The following ZNRF3 variants were observed in gnomAD, a reference collection of about 807,000 sequenced individuals.
ZNRF3 encodes zinc and ring finger 3.
A neutral mutation model predicts 72.5 loss-of-function variants in ZNRF3; 23 were observed. The ratio of observed to expected loss-of-function variants is 0.32; its 90% CI spans 0.23 to 0.45. The LOEUF (loss-of-function observed/expected upper bound fraction) is 0.45, where lower values mean the gene tolerates loss of function less well. Ranked by LOEUF, ZNRF3 falls within the 20% of genes least tolerant of loss-of-function variation. The pLI is 1.00. For synonymous variants in ZNRF3, 610 were observed against 545.3 expected (o/e 1.12, Z -1.65); for missense variants, 1,169 against 1,272.1 (o/e 0.92, Z 1.23).
intron 1 of ZNRF3, among the ~76,000 whole-genome samples, chr22:28,910,743 C>T (rs1045294259): frequency 3.3e-5 from 5 of 152,298 alleles, no homozygotes; most frequent in African/African-American, 1.2e-4. Context: ...GTGCCAAATG[C>T]TTGGGGCCCA....
chr22:28,946,622 C>A (rs548972579), intron 1 of ZNRF3, among the ~76,000 whole-genome samples: 1 of 152,302 alleles, frequency 6.6e-6, no homozygotes, highest in Non-Finnish European at 1.5e-5. Flanking sequence ...TGGTTGAAAT[C>A]ACTAGTTATG....
chr22:28,937,169 CTTATAATAT>C (rs1205061449), intron 1 of ZNRF3, among the ~76,000 whole-genome samples: 4 of 128,602 alleles, frequency 3.1e-5, no homozygotes, highest in African/African-American at 1.4e-4. Flanking sequence ...CTACTTCTCT[CTTATAATAT>C]ATATATATAT....
At chr22:28,965,748 G>A (rs1431793677) in intron 1 of ZNRF3, among the ~76,000 whole-genome samples, 1 of 152,136 alleles carries the variant, frequency 6.6e-6, no homozygotes, top group Non-Finnish European at 1.5e-5. Context: ...TACTTGGTTT[G>A]TAGTTAAGGA....
At chr22:28,906,061 A>G (rs994185433) in intron 1 of ZNRF3, among the ~76,000 whole-genome samples, 1 of 152,250 alleles carries the variant, frequency 6.6e-6, no homozygotes, top group Non-Finnish European at 1.5e-5. Context: ...ATGGTGGCTC[A>G]CGCCTATAAT....
chr22:29,007,005 C>T (rs1307485555), intron 2 of ZNRF3, among the ~76,000 whole-genome samples: 2 of 152,248 alleles, frequency 1.3e-5, no homozygotes, highest in East Asian at 1.9e-4. Context: ...GTCATGATTG[C>T]ATTCCTACTG....
intron 1 of ZNRF3, among the ~76,000 whole-genome samples, chr22:28,901,248 C>T (rs920585159): frequency 2.6e-5 from 4 of 152,146 alleles, no homozygotes; most frequent in Admixed American, 6.5e-5. Flanking sequence ...TTCTGCTCAT[C>T]GGTCATAATG....
intron 2 of ZNRF3, among the ~76,000 whole-genome samples, chr22:29,004,829 G>C (rs534846473): frequency 3.3e-5 from 5 of 152,164 alleles, no homozygotes; most frequent in African/African-American, 4.8e-5. Context: ...CCAAAGGCCC[G>C]ACTCTACTGA....
Position 29,053,753 on chromosome 22 carries a change from C to T in ZNRF3, c.*131C>T. 1.2e-6 allele frequency: 1 copy of T among 853,910 alleles called. No homozygotes were observed. The allele number at this position is 853,910 out of a possible 1,614,324, so 52.9% of individuals were successfully genotyped here. ...CAAAAGTGGTAATAAAGAGAGCCCT[C>T]CTTGTCAACCCAAAATGTGAGCCCC... On this transcript the variant is annotated 3_prime_UTR_variant, in exon 9 of 9. Coordinates refer to ENST00000544604, the MANE Select transcript of ZNRF3 (RefSeq NM_001206998.2).
intron 1 of ZNRF3, among the ~76,000 whole-genome samples, chr22:28,935,677 A>C (rs996919880): frequency 5.3e-5 from 8 of 152,092 alleles, no homozygotes; most frequent in Non-Finnish European, 1.5e-5. Flanking sequence ...ATCTCCTCTT[A>C]GATTTGTTCA....
intron 8 of ZNRF3, among the ~76,000 whole-genome samples, chr22:29,052,763 C>A (rs1165327454): frequency 6.6e-6 from 1 of 151,680 alleles, no homozygotes; most frequent in Non-Finnish European, 1.5e-5. Context: ...CACTTGAGGC[C>A]AGGAGCTGGA....
intron 2 of ZNRF3, among the ~76,000 whole-genome samples, chr22:29,009,967 C>A (rs182279725): frequency 7.0e-6 from 1 of 142,100 alleles, no homozygotes; most frequent in East Asian, 2.1e-4. Flanking sequence ...AGTCCAGTGG[C>A]TCAATCTCGG....
intron 2 of ZNRF3, among the ~76,000 whole-genome samples, chr22:29,006,505 C>A (rs978811196): frequency 1.3e-5 from 2 of 152,190 alleles, no homozygotes; most frequent in African/African-American, 4.8e-5. Flanking sequence ...AGCCACCGCA[C>A]CTGGCCCAGT....
At chr22:29,009,523 T>G (rs950218085) in intron 2 of ZNRF3, among the ~76,000 whole-genome samples, 40 of 152,258 alleles carry the variant, frequency 2.6e-4, no homozygotes, top group East Asian at 3.9e-4. Context: ...GGCCTAGAAA[T>G]AGATTGCCAT....
chr22:29,046,659 GT>G, intron 5 of ZNRF3, 56 bp from the exon 6 acceptor site: 1 of 1,475,186 alleles, frequency 6.8e-7, no homozygotes. Context: ...TGTCCCTGGG[GT>G]GACTGCCACT....
In ZNRF3 at chr22:29,057,066, T is replaced by C. The variant is rs1443118459; in HGVS notation, c.*3444T>C. The C allele has an allele frequency of 6.6e-6, 1 of 152,238 alleles. No homozygotes were observed. The highest frequency in any genetic ancestry group is 1.5e-5 in the Non-Finnish European group (1 of 68,044). 9.4% of individuals were successfully genotyped at this position (152,238 alleles called of 1,614,324 possible). A position where few individuals can be genotyped will look rare whatever the true frequency, so the allele number is the denominator to read the frequency against. On this transcript the variant is annotated 3_prime_UTR_variant, in exon 9 of 9. Transcript: ENST00000544604. ...GGCACTATTTTAAAATTTTTTAATT[T>C]TTCCCATAGCACTTAAAAGAGATTT...
Position 28,884,041 on chromosome 22 carries a change from T to A in ZNRF3, c.275T>A (p.Leu92His), listed in dbSNP as rs1039575078. The change falls in exon 1 of 9, where the codon CTC (leucine) becomes CAC (histidine). Residue 92 changes from leucine (L) to histidine (H), a missense_variant. Around this residue, in one of 2 missense-constraint regions of ZNRF3, gnomAD observed 386 missense variants for 540.7 expected, o/e 0.71. Coordinates refer to ENST00000544604, the MANE Select transcript of ZNRF3 (RefSeq NM_001206998.2). ...CGCTTCTCGCGGGCCGGGGCCACGC[T>A]CAGCGCCGAGGGCGAGATCGTGCAG... is the stretch of plus-strand genomic sequence containing the variant. ...TGRFSRAGAT[L>H]SAEGEIVQMH... is the part of the protein sequence containing the mutation. 17 of 1,267,560 alleles carry A rather than the reference T, an allele frequency of 1.3e-5. No individual in the cohort carries two copies. Among genetic ancestry groups the A allele is most frequent in the African/African-American group, 3.2e-5 (2 of 62,092 alleles). 78.5% of individuals were successfully genotyped at this position (1,267,560 alleles called of 1,614,324 possible).
intron 1 of ZNRF3, among the ~76,000 whole-genome samples, chr22:28,904,883 T>C (rs1353238931): frequency 6.6e-6 from 1 of 151,996 alleles, no homozygotes; most frequent in Non-Finnish European, 1.5e-5. Flanking sequence ...ATCTGTTCTT[T>C]GGCTGACCTG....
intron 2 of ZNRF3, among the ~76,000 whole-genome samples, chr22:28,987,899 T>C (rs1392094414): frequency 6.6e-6 from 1 of 152,158 alleles, no homozygotes; most frequent in African/African-American, 2.4e-5. Context: ...TGAGATGAGA[T>C]GCAAACGCCT....
chr22:28,929,812 G>T (rs968635752), intron 1 of ZNRF3, among the ~76,000 whole-genome samples: 9 of 152,110 alleles, frequency 5.9e-5, no homozygotes, highest in Non-Finnish European at 1.2e-4. Flanking sequence ...TTGAAGCAGG[G>T]AATGATTTAA....
Sources: gnomAD v4.1 joint callset for allele counts (sites outside exome capture counted in the v4.1 genomes callset) on GRCh38, gnomAD v4.1.1 for gene constraint, gnomAD v4.1.1 regional missense constraint, MANE v1.5 for transcripts, NCBI Gene and HGNC (gene_info 2026-07-23, HGNC 2026-07-21) for gene names.